ZNF638: variants seen among roughly 807,000 people sequenced by gnomAD.
ZNF638 encodes zinc finger protein 638.
In ZNF638, 46 loss-of-function variants were observed where a neutral mutation model predicts 195.6. The observed-to-expected ratio is 0.24, with a 90% CI of 0.19 to 0.30. The LOEUF (loss-of-function observed/expected upper bound fraction) is 0.30. Ranked by LOEUF, ZNF638 falls within the 10% of genes least tolerant of loss-of-function variation. ZNF638 has a pLI of 1.00. For synonymous variants in ZNF638, 845 were observed against 772.0 expected, an observed-to-expected ratio of 1.09 and a Z score of -1.57; for missense variants, 2,440 against 2,325.3, an observed-to-expected ratio of 1.05 and a Z score of -1.01.
intron 24 of ZNF638, 72 bp from the exon 25 acceptor site, chr2:71,428,475 G>C (rs2080585869): frequency 7.2e-7 from 1 of 1,393,166 alleles, no homozygotes; most frequent in Non-Finnish European, 9.9e-7. Flanking sequence ...GATTCAGACA[G>C]TATAATATGT....
At chr2:71,358,172 A>G (rs559633042) in intron 3 of ZNF638, among the ~76,000 whole-genome samples, 2 of 152,178 alleles carry the variant, frequency 1.3e-5, no homozygotes, top group Admixed American at 6.5e-5. Flanking sequence ...AAACCTCCCT[A>G]TGCCCTGCTA....
At chr2:71,395,438 C>G in intron 10 of ZNF638, 1 of 633,850 alleles carries the variant, frequency 1.6e-6, no homozygotes, top group South Asian at 1.9e-5. Context: ...TTTTGCAAAG[C>G]TTCGGGAGAG....
At chr2:71,406,528 C>T (rs933185080) in intron 19 of ZNF638, among the ~76,000 whole-genome samples, 2 of 152,176 alleles carry the variant, frequency 1.3e-5, no homozygotes, top group African/African-American at 2.4e-5. Context: ...CATTATCTTA[C>T]TGGGAAGTTT....
intron 10 of ZNF638, among the ~76,000 whole-genome samples, chr2:71,383,762 C>CTTTTTTTTTTTTTTT (rs1181570876): frequency 1.3e-5 from 1 of 76,714 alleles, no homozygotes; most frequent in Non-Finnish European, 2.3e-5. Flanking sequence ...TTTTCTTTTT[C>CTTTTTTTTTTTTTTT]TTTTTTTTTT....
intron 2 of ZNF638, among the ~76,000 whole-genome samples, chr2:71,350,823 T>G (rs1046071420): frequency 6.6e-6 from 1 of 152,212 alleles, no homozygotes; most frequent in African/African-American, 2.4e-5. Context: ...CAAAAATAAG[T>G]CAAGGTGCAG....
intron 20 of ZNF638, among the ~76,000 whole-genome samples, chr2:71,410,369 A>AT (rs142981822): frequency 3.2e-4 from 45 of 138,876 alleles, no homozygotes; most frequent in African/African-American, 8.9e-4. Context: ...TTGATTTTTG[A>AT]TTTTTTTTTT....
intron 8 of ZNF638, among the ~76,000 whole-genome samples, chr2:71,378,591 GAGAA>G (rs1206009559): frequency 6.6e-6 from 1 of 152,176 alleles, no homozygotes; most frequent in Non-Finnish European, 1.5e-5. Flanking sequence ...GGGGTAGAGA[GAGAA>G]AGACCACAAA....
chr2:71,418,053 T>C (rs2080340765), intron 20 of ZNF638, among the ~76,000 whole-genome samples: 1 of 152,174 alleles, frequency 6.6e-6, no homozygotes, highest in South Asian at 2.1e-4. Flanking sequence ...GTGCTTGCCA[T>C]ATAGGGACTG....
chr2:71,417,587 A>G (rs1272723070), intron 20 of ZNF638, among the ~76,000 whole-genome samples: 1 of 150,562 alleles, frequency 6.6e-6, no homozygotes, highest in Admixed American at 6.6e-5. Flanking sequence ...TTTTTCCGTT[A>G]TTCCTTTATG....
At position 71,426,615 on chromosome 2, in the gene ZNF638, A is replaced by G. The variant is rs144211981; in HGVS notation, c.4746A>G (p.Lys1582=). The stretch of plus-strand genomic sequence containing the variant: ...TCTCTGAACTTAACTTAAAGAAGAA[A>G]AAGGGGAAAACTTCCACTCCTCGTG... The part of the protein sequence containing the change: ...VPFSELNLKK[K]KGKTSTPRGV... The change falls in exon 24 of 28, where the codon AAA becomes AAG. Residue 1582 remains lysine, a synonymous_variant. Transcript: ENST00000264447. The G allele has an allele frequency of 1.7e-5, 28 of 1,614,036 alleles. No homozygotes were observed. The African/African-American group carries it at 3.6e-4, about 21-fold the overall frequency.
At chr2:71,367,701 AG>A (rs1349546243) in intron 6 of ZNF638, among the ~76,000 whole-genome samples, 1 of 150,368 alleles carries the variant, frequency 6.7e-6, no homozygotes, top group Non-Finnish European at 1.5e-5. Flanking sequence ...GGTCTCCCAA[AG>A]TGCTGGGATT....
intron 2 of ZNF638, among the ~76,000 whole-genome samples, chr2:71,351,510 TTGAG>T (rs1245045292): frequency 1.3e-5 from 2 of 152,224 alleles, no homozygotes; most frequent in African/African-American, 2.4e-5. Flanking sequence ...AAGTAGTGAA[TTGAG>T]TGTTTGTCTG....
intron 8 of ZNF638, among the ~76,000 whole-genome samples, chr2:71,377,664 G>A (rs1429673399): frequency 6.6e-6 from 1 of 152,222 alleles, no homozygotes; most frequent in African/African-American, 2.4e-5. Context: ...CAAGAGAGGT[G>A]TGATCCTACT....
intron 2 of ZNF638, 131 bp downstream of exon 2, chr2:71,350,402 A>G (rs2078920513): frequency 1.1e-6 from 1 of 918,204 alleles, no homozygotes; most frequent in Non-Finnish European, 1.7e-6. Context: ...TGCAACCTCA[A>G]TACATAGTTG....
At chr2:71,343,801 C>G (rs2078804428) in intron 1 of ZNF638, among the ~76,000 whole-genome samples, 1 of 152,154 alleles carries the variant, frequency 6.6e-6, no homozygotes, top group Non-Finnish European at 1.5e-5. Flanking sequence ...AAAAAACTCA[C>G]GTTTTCCTGT....
At chr2:71,351,582 T>C (rs994405452) in intron 2 of ZNF638, among the ~76,000 whole-genome samples, 1 of 152,196 alleles carries the variant, frequency 6.6e-6, no homozygotes, top group Non-Finnish European at 1.5e-5. Flanking sequence ...AACTTTTAAT[T>C]AATCATAATG....
intron 7 of ZNF638, among the ~76,000 whole-genome samples, 189 bp from the exon 8 acceptor site, chr2:71,369,694 A>G (rs548448132): frequency 2.6e-5 from 4 of 152,224 alleles, no homozygotes; most frequent in Admixed American, 6.5e-5. Context: ...GTAAGGTTAA[A>G]TGTCCATTTA....
At chr2:71,342,552 A>G (rs941416980) in intron 1 of ZNF638, among the ~76,000 whole-genome samples, 5 of 152,200 alleles carry the variant, frequency 3.3e-5, no homozygotes, top group African/African-American at 1.2e-4. Context: ...CTGTAGATTT[A>G]AAGTTTATAA....
intron 17 of ZNF638, 115 bp from the exon 18 acceptor site, chr2:71,405,486 A>G (rs1280608637): frequency 3.3e-5 from 21 of 643,680 alleles, no homozygotes; most frequent in Non-Finnish European, 5.0e-5. Flanking sequence ...TTAATTTTAT[A>G]AAATACTTTG....
Sources: gnomAD v4.1 joint callset for allele counts (sites outside exome capture counted in the v4.1 genomes callset) on GRCh38, gnomAD v4.1.1 for gene constraint, MANE v1.5 for transcripts, NCBI Gene and HGNC (gene_info 2026-07-23, HGNC 2026-07-21) for gene names.